ARL13B: variants seen among roughly 807,000 people sequenced by gnomAD.
ARL13B encodes ADP-ribosylation factor-like protein 13B.
In ARL13B, 36 loss-of-function variants were observed where a neutral mutation model predicts 56.1. The ratio of observed to expected loss-of-function variants is 0.64; its 90% CI spans 0.49 to 0.85. The LOEUF (loss-of-function observed/expected upper bound fraction) is 0.85. Among genes scored for constraint, ARL13B ranks in the 40% least tolerant of loss-of-function variants. The probability of loss-of-function intolerance (pLI) is 0.00; values close to 1 mark genes in which losing one functional copy is unlikely to be tolerated. For missense variants in ARL13B, 519 were observed against 507.1 expected, an observed-to-expected ratio of 1.02 and a Z score of -0.23; for synonymous variants, 178 against 171.1, an observed-to-expected ratio of 1.04 and a Z score of -0.32.
At chr3:94,048,270 C>G (rs542203541) in intron 7 of ARL13B, 1 of 152,192 alleles carries the variant, frequency 6.6e-6, no homozygotes, top group Non-Finnish European at 1.5e-5. Context: ...TCACTTGAAC[C>G]TGGGAGGTGG....
In ARL13B at chr3:93,980,307, TCCTC is replaced by T. The variant is rs1710143250; in HGVS notation, c.-114_-111del. Reference sequence around the variant, plus strand: ...CCGCCTTCACTTCCCTCCCGGCTTTTCCTCCCGACTTATCCACTTTAGGGGCGTC... The same window carrying T: ...CCGCCTTCACTTCCCTCCCGGCTTTTCCGACTTATCCACTTTAGGGGCGTC... On this transcript the variant is annotated 5_prime_UTR_variant, in exon 1 of 10. Coordinates refer to ENST00000394222, the MANE Select transcript of ARL13B (RefSeq NM_001174150.2). The T allele has an allele frequency of 1.4e-6, 2 of 1,396,530 alleles. No homozygotes were observed. The highest frequency in any genetic ancestry group is 4.6e-5 in the East Asian group (2 of 43,450). The allele number at this position is 1,396,530 out of a possible 1,614,324, so 86.5% of individuals were successfully genotyped here.
chr3:94,000,259 C>T (rs2076031835), intron 2 of ARL13B, among the ~76,000 whole-genome samples: 1 of 152,136 alleles, frequency 6.6e-6, no homozygotes, highest in South Asian at 2.1e-4. Context: ...TTGGCAGATA[C>T]CATACATGTA....
intron 3 of ARL13B, among the ~76,000 whole-genome samples, chr3:94,020,874 G>A (rs1385021549): frequency 6.6e-6 from 1 of 152,136 alleles, no homozygotes; most frequent in Non-Finnish European, 1.5e-5. Flanking sequence ...AAAAAGTTCA[G>A]TCAGTACAAT....
At chr3:94,053,137 C>G (rs748442803) in intron 9 of ARL13B, 50 bp from the exon 10 acceptor site, 2 of 1,448,668 alleles carry the variant, frequency 1.4e-6, no homozygotes, top group Non-Finnish European at 1.9e-6. Flanking sequence ...TGTCAAAAAT[C>G]TTGATGTACC....
At chr3:94,030,680 A>G (rs1243666197) in intron 3 of ARL13B, among the ~76,000 whole-genome samples, 1 of 152,226 alleles carries the variant, frequency 6.6e-6, no homozygotes, top group Non-Finnish European at 1.5e-5. Flanking sequence ...ATTTTAAAAC[A>G]GTATTATTGA....
rs375770842 is a variant in ARL13B at position 93,980,453 on chromosome 3, C to T, written c.30C>T (p.Gly10=). The T allele has an allele frequency of 7.4e-5, 120 of 1,612,510 alleles. No homozygotes were observed. The highest frequency in any genetic ancestry group is 9.5e-5 in the Non-Finnish European group (112 of 1,179,986). The change falls in exon 1 of 10, where the codon GGC becomes GGT. Residue 10 remains glycine (G), a synonymous_variant. Coordinates refer to ENST00000394222, the MANE Select transcript of ARL13B (RefSeq NM_001174150.2). ...TCAGTCTGATGGCCAGTTGCTGCGG[C>T]TGGTTCAAGCGGTGGCGGGAGCCTG... MFSLMASCC[G]WFKRWREPVR... is the part of the protein sequence containing the mutation.
intron 3 of ARL13B, among the ~76,000 whole-genome samples, chr3:94,029,560 C>T (rs534782015): frequency 5.9e-5 from 9 of 151,410 alleles, no homozygotes; most frequent in African/African-American, 1.9e-4. Flanking sequence ...AGGCTGGTCT[C>T]GAACTCCTGA....
chr3:93,991,701 C>T (rs1025118063), intron 1 of ARL13B, among the ~76,000 whole-genome samples: 5 of 152,082 alleles, frequency 3.3e-5, no homozygotes, highest in African/African-American at 7.2e-5. Context: ...GCTATAGCCA[C>T]GTGTACATTA....
intron 2 of ARL13B, among the ~76,000 whole-genome samples, chr3:93,998,868 C>G (rs1309782657): frequency 2.0e-5 from 3 of 151,174 alleles, no homozygotes; most frequent in Admixed American, 6.6e-5. Context: ...TAAAACACCT[C>G]TCTCATGGCT....
intron 1 of ARL13B, among the ~76,000 whole-genome samples, chr3:93,985,117 A>G (rs1486135904): frequency 1.3e-5 from 2 of 152,252 alleles, no homozygotes; most frequent in African/African-American, 4.8e-5. Context: ...TTACAAGATT[A>G]CATTCACATA....
At chr3:94,044,024 C>T (rs776111554) in intron 7 of ARL13B, among the ~76,000 whole-genome samples, 28 of 152,166 alleles carry the variant, frequency 1.8e-4, no homozygotes, top group Non-Finnish European at 3.7e-4. Flanking sequence ...ACCTCCCAGC[C>T]GCCTGCCTTG....
At chr3:94,050,435 A>G (rs2077050216) in intron 8 of ARL13B, among the ~76,000 whole-genome samples, 2 of 152,134 alleles carry the variant, frequency 1.3e-5, no homozygotes, top group South Asian at 4.1e-4. Flanking sequence ...TAGTGCCCTT[A>G]TAGCCCTGCT....
At chr3:94,014,288 T>G (rs936945904) in intron 3 of ARL13B, 1 of 1,032,828 alleles carries the variant, frequency 9.7e-7, no homozygotes, top group Non-Finnish European at 1.3e-6. Context: ...ATGAAAGGTA[T>G]GTGAGTGGAT....
chr3:93,993,794 T>G (rs1384270417), intron 1 of ARL13B, among the ~76,000 whole-genome samples: 3 of 152,220 alleles, frequency 2.0e-5, no homozygotes, highest in Non-Finnish European at 4.4e-5. Context: ...TTCATATTTT[T>G]CATAGTTGAT....
intron 1 of ARL13B, chr3:93,988,819 C>A: frequency 2.5e-6 from 1 of 397,746 alleles, no homozygotes. Context: ...AAGATTTAGC[C>A]TTTCCTGATG....
intron 5 of ARL13B, among the ~76,000 whole-genome samples, chr3:94,038,250 C>T (rs2076803046): frequency 6.6e-6 from 1 of 152,092 alleles, no homozygotes; most frequent in Non-Finnish European, 1.5e-5. Context: ...TGATACAGCT[C>T]TATGAAGTGG....
intron 3 of ARL13B, among the ~76,000 whole-genome samples, chr3:94,029,332 A>ATATT (rs1553842071): frequency 1.4e-4 from 10 of 72,372 alleles, no homozygotes; most frequent in East Asian, 6.3e-4. Flanking sequence ...ATATATATAT[A>ATATT]TATTTATTTT....
At chr3:94,016,495 T>C (rs1423845022) in intron 3 of ARL13B, among the ~76,000 whole-genome samples, 1 of 152,192 alleles carries the variant, frequency 6.6e-6, no homozygotes, top group Non-Finnish European at 1.5e-5. Flanking sequence ...TGTGGAACTT[T>C]ATACTAAAAA....
chr3:94,040,929 T>C (rs897070407), intron 6 of ARL13B, among the ~76,000 whole-genome samples: 6 of 152,128 alleles, frequency 3.9e-5, no homozygotes, highest in African/African-American at 1.4e-4. Context: ...CCACAATGTA[T>C]AGAAGTGAAT....
Sources: gnomAD v4.1 joint callset for allele counts (sites outside exome capture counted in the v4.1 genomes callset) on GRCh38, gnomAD v4.1.1 for gene constraint, MANE v1.5 for transcripts, NCBI Gene and HGNC (gene_info 2026-07-23, HGNC 2026-07-21) for gene names.